Variants in MEGF11 observed in about 807,000 individuals in gnomAD.
MEGF11 encodes multiple epidermal growth factor-like domains protein 11.
In MEGF11, 126 loss-of-function variants were observed where a neutral mutation model predicts 146.6. The observed-to-expected ratio is 0.86, with a 90% CI of 0.74 to 1.00. The LOEUF (loss-of-function observed/expected upper bound fraction) is 1.00. MEGF11 is among the 50% of genes least tolerant of loss of function. The pLI is 0.00. For missense variants in MEGF11, 1,509 were observed against 1,521.2 expected (o/e 0.99, Z 0.13); for synonymous variants, 532 against 583.4 (o/e 0.91, Z 1.27).
intron 4 of MEGF11, among the ~76,000 whole-genome samples, chr15:66,115,645 A>G (rs1331405154): frequency 6.6e-6 from 1 of 152,144 alleles, no homozygotes; most frequent in Non-Finnish European, 1.5e-5. Context: ...CAGATTTCCT[A>G]TGTTAAAGTC....
At chr15:66,092,517 G>A (rs1262751298) in intron 5 of MEGF11, among the ~76,000 whole-genome samples, 1 of 152,200 alleles carries the variant, frequency 6.6e-6, no homozygotes, top group African/African-American at 2.4e-5. Context: ...GCCTAGTTCT[G>A]TGCTATAAAG....
chr15:66,071,978 C>T (rs548768055), intron 5 of MEGF11, among the ~76,000 whole-genome samples: 77 of 152,328 alleles, frequency 5.1e-4, no homozygotes, highest in Middle Eastern at 3.4e-3. Flanking sequence ...ACAGCTCCTG[C>T]CAGAGGACTC....
intron 7 of MEGF11, among the ~76,000 whole-genome samples, chr15:65,979,923 T>C (rs1022071186): frequency 2.6e-5 from 4 of 152,224 alleles, no homozygotes; most frequent in Non-Finnish European, 4.4e-5. Context: ...AGGTTACAAA[T>C]CTTACCCTCC....
chr15:66,026,709 C>T (rs534037885), intron 5 of MEGF11, among the ~76,000 whole-genome samples: 5 of 151,774 alleles, frequency 3.3e-5, no homozygotes, highest in African/African-American at 9.7e-5. Flanking sequence ...AGGATGGTCT[C>T]GATCTCCTGA....
At chr15:65,984,658 A>G (rs1179318848) in intron 5 of MEGF11, among the ~76,000 whole-genome samples, 3 of 151,372 alleles carry the variant, frequency 2.0e-5, no homozygotes, top group Non-Finnish European at 1.5e-5. Context: ...AGAATTATCT[A>G]TGGTACCATT....
rs187712846 is a variant in MEGF11 at position 66,087,245 on chromosome 15, T to C, written c.394+7157A>G. Among the ~76,000 whole-genome samples, 24 of 152,342 alleles carry C rather than the reference T, an allele frequency of 1.6e-4. No homozygotes were observed. In the South Asian group the frequency reaches 4.1e-3, roughly 26 times the overall value. On this transcript the variant is annotated intron_variant, in intron 5 of 25. Coordinates refer to ENST00000395614, the MANE Select transcript of MEGF11 (RefSeq NM_001385028.1). ...ATAGTGGGGGACTTCAATACTCCAC[T>C]GACAGCACTAGACAGGTCATCAAGA... is the stretch of plus-strand genomic sequence containing the variant.
intron 5 of MEGF11, among the ~76,000 whole-genome samples, chr15:66,020,799 T>G (rs558116665): frequency 3.9e-5 from 6 of 152,196 alleles, no homozygotes; most frequent in Non-Finnish European, 7.4e-5. Context: ...GAGACCATCT[T>G]GGCTAACACA....
intron 5 of MEGF11, among the ~76,000 whole-genome samples, chr15:65,999,047 CTTTT>C (rs35982125): frequency 2.8e-5 from 4 of 143,988 alleles, no homozygotes; most frequent in Admixed American, 6.9e-5. Flanking sequence ...GGTGTCACTT[CTTTT>C]TTTTTTTTTT....
At chr15:66,099,929 C>T (rs955840804) in intron 4 of MEGF11, among the ~76,000 whole-genome samples, 2 of 152,126 alleles carry the variant, frequency 1.3e-5, no homozygotes, top group Non-Finnish European at 2.9e-5. Context: ...AGTCCAGAGT[C>T]AACTCACTGG....
intron 1 of MEGF11, among the ~76,000 whole-genome samples, chr15:66,135,799 C>T (rs2088861736): frequency 6.6e-6 from 1 of 152,202 alleles, no homozygotes; most frequent in Non-Finnish European, 1.5e-5. Flanking sequence ...TGGGTCTTTC[C>T]TATTGAATTC....
At chr15:65,957,247 G>T (rs2080680887) in intron 10 of MEGF11, among the ~76,000 whole-genome samples, 1 of 152,208 alleles carries the variant, frequency 6.6e-6, no homozygotes, top group African/African-American at 2.4e-5. Context: ...GTACATTGTG[G>T]TTTTTCTGAT....
At chr15:66,097,220 C>T (rs528103752) in intron 4 of MEGF11, among the ~76,000 whole-genome samples, 24 of 152,292 alleles carry the variant, frequency 1.6e-4, no homozygotes, top group South Asian at 2.1e-4. Flanking sequence ...CTCAGGCTGC[C>T]GTATTTGGCA....
chr15:66,058,935 C>A (rs1462212219), intron 5 of MEGF11, among the ~76,000 whole-genome samples: 20 of 152,174 alleles, frequency 1.3e-4, no homozygotes, highest in Admixed American at 1.3e-3. Context: ...TTACCCCAGA[C>A]CACCTCAGCC....
chr15:65,981,667 T>G (rs1217252054), intron 6 of MEGF11, among the ~76,000 whole-genome samples: 1 of 152,006 alleles, frequency 6.6e-6, no homozygotes, highest in Non-Finnish European at 1.5e-5. Context: ...AGCTAAGCAG[T>G]CTTGTAGGTC....
chr15:66,238,188 G>A (rs999174592), intron 1 of MEGF11, among the ~76,000 whole-genome samples: 5 of 152,210 alleles, frequency 3.3e-5, no homozygotes, highest in African/African-American at 9.6e-5. Context: ...CCACTGCTAG[G>A]AGCCCAGTTT....
intron 1 of MEGF11, among the ~76,000 whole-genome samples, chr15:66,132,701 G>C (rs55993706): frequency 2.0e-5 from 3 of 151,954 alleles, no homozygotes; most frequent in Admixed American, 6.6e-5. Flanking sequence ...TAAACTCTGG[G>C]GAGGGACAAC....
At chr15:66,246,131 C>T (rs1012016142) in intron 1 of MEGF11, among the ~76,000 whole-genome samples, 1 of 152,122 alleles carries the variant, frequency 6.6e-6, no homozygotes, top group Admixed American at 6.5e-5. Context: ...GTGGTGCAAG[C>T]CTGTAATCCC....
chr15:66,044,149 A>G (rs2084102774), intron 5 of MEGF11, among the ~76,000 whole-genome samples: 1 of 152,172 alleles, frequency 6.6e-6, no homozygotes, highest in African/African-American at 2.4e-5. Context: ...AGCAATGAAC[A>G]TCTCCACTAT....
chr15:66,182,601 C>T (rs1012942309), intron 1 of MEGF11, among the ~76,000 whole-genome samples: 18 of 152,264 alleles, frequency 1.2e-4, no homozygotes, highest in African/African-American at 4.3e-4. Flanking sequence ...AGTTAAAGCA[C>T]TTCAGGAGCT....
Sources: gnomAD v4.1 joint callset for allele counts (sites outside exome capture counted in the v4.1 genomes callset) on GRCh38, gnomAD v4.1.1 for gene constraint, MANE v1.5 for transcripts, NCBI Gene and HGNC (gene_info 2026-07-23, HGNC 2026-07-21) for gene names.